Variants in IL1RAPL1 observed in about 807,000 individuals in gnomAD.
IL1RAPL1 encodes interleukin-1 receptor accessory protein-like 1.
IL1RAPL1 carries 3 observed loss-of-function variants against 48.4 expected under a neutral mutation model. The ratio of observed to expected loss-of-function variants is 0.06; its 90% confidence interval spans 0.03 to 0.16. IL1RAPL1 has a LOEUF of 0.16. IL1RAPL1 is among the 10% of genes least tolerant of loss of function. The probability of loss-of-function intolerance (pLI) is 1.00; values close to 1 mark genes in which losing one functional copy is unlikely to be tolerated. For synonymous variants in IL1RAPL1, 185 were observed against 187.7 expected (o/e 0.99, Z 0.12); for missense variants, 349 against 530.6 (o/e 0.66, Z 3.36).
At chrX:29,210,973 A>T (rs1401868472) in intron 2 of IL1RAPL1, among the ~76,000 whole-genome samples, 1 of 111,904 alleles carries the variant, frequency 8.9e-6, no homozygotes, top group East Asian at 2.8e-4. Context: ...TCGTCATTCA[A>T]CTGCTTATAT....
At chrX:28,985,804 C>T (rs189332929) in intron 2 of IL1RAPL1, among the ~76,000 whole-genome samples, 1 of 109,540 alleles carries the variant, frequency 9.1e-6, no homozygotes, top group African/African-American at 3.3e-5. Flanking sequence ...GGACTACAGG[C>T]GCCCGCCACC....
At position 28,652,875 on chromosome X, in the gene IL1RAPL1, T is replaced by C. The variant is rs778657479; in HGVS notation, c.-25+64828T>C. ...CCTAGCTGAATCTGGGGTTTAGTAG[T>C]TCATGGTGGGGGCAGGGGACTATAT... On this transcript the variant is annotated intron_variant, in intron 1 of 10. Coordinates refer to ENST00000378993, the MANE Select transcript of IL1RAPL1 (RefSeq NM_014271.4). Among the ~76,000 whole-genome samples the C allele has an allele frequency of 1.2e-4, 13 of 109,352 alleles. No homozygotes were observed. The South Asian group carries it at 4.5e-3, about 38-fold the overall frequency. 95.0% of individuals were successfully genotyped at this position (109,352 alleles called of 115,157 possible).
rs73631665 is a variant in IL1RAPL1 at position 29,565,948 on chromosome X, G to T, written c.704-102482G>T. Reference sequence around the variant, plus strand: ...GTTTCAATATGTGGGGAAATTTTTTGTTGTTGTTTTTTTTTTTTGAGACGG... The same window carrying T: ...GTTTCAATATGTGGGGAAATTTTTTTTTGTTGTTTTTTTTTTTTGAGACGG... On this transcript the variant is annotated intron_variant, in intron 5 of 10. Coordinates refer to ENST00000378993, the MANE Select transcript of IL1RAPL1 (RefSeq NM_014271.4). Among the ~76,000 whole-genome samples, 820 of 110,480 alleles carry T rather than the reference G, an allele frequency of 7.4e-3. 7 individuals are homozygous for T. The highest frequency in any genetic ancestry group is 0.025 in the African/African-American group (759 of 30,476).
chrX:28,843,835 A>G (rs2147293264), intron 2 of IL1RAPL1, among the ~76,000 whole-genome samples: 1 of 111,354 alleles, frequency 9.0e-6, no homozygotes, highest in African/African-American at 3.3e-5. Flanking sequence ...TATTCAGAGC[A>G]GTGCGTTTGT....
intron 3 of IL1RAPL1, among the ~76,000 whole-genome samples, chrX:29,347,491 C>T (rs1297966035): frequency 1.9e-5 from 2 of 106,730 alleles, no homozygotes; most frequent in Non-Finnish European, 3.9e-5. Context: ...CCAGCTCAAG[C>T]AATCCTCCCA....
chrX:28,699,223 G>C (rs1255229166), intron 1 of IL1RAPL1, among the ~76,000 whole-genome samples: 1 of 112,005 alleles, frequency 8.9e-6, no homozygotes, highest in Admixed American at 9.5e-5. Flanking sequence ...AACCTAACTT[G>C]ATAGTATTCC....
At chrX:29,889,241 A>C (rs1440969114) in intron 6 of IL1RAPL1, among the ~76,000 whole-genome samples, 1 of 111,679 alleles carries the variant, frequency 9.0e-6, no homozygotes, top group Non-Finnish European at 1.9e-5. Context: ...TAAGGTTTAG[A>C]TTCACTGCAG....
chrX:28,746,754 A>G (rs1019737411), intron 1 of IL1RAPL1, among the ~76,000 whole-genome samples: 11 of 111,784 alleles, frequency 9.8e-5, no homozygotes, highest in African/African-American at 3.6e-4. Context: ...TTTATTCACA[A>G]TGATGAATCA....
At chrX:29,831,503 C>T (rs192161958) in intron 6 of IL1RAPL1, among the ~76,000 whole-genome samples, 161 of 111,774 alleles carry the variant, frequency 1.4e-3, no homozygotes, top group African/African-American at 5.0e-3. Flanking sequence ...ATATGAGGAT[C>T]ATGAGAAATG....
At chrX:29,471,809 A>T (rs1302233970) in intron 5 of IL1RAPL1, among the ~76,000 whole-genome samples, 1 of 111,285 alleles carries the variant, frequency 9.0e-6, no homozygotes, top group African/African-American at 3.3e-5. Context: ...CCAATATGTG[A>T]CTTTTTGCGT....
intron 5 of IL1RAPL1, among the ~76,000 whole-genome samples, chrX:29,539,279 C>A (rs889453503): frequency 8.9e-6 from 1 of 111,755 alleles, no homozygotes; most frequent in Non-Finnish European, 1.9e-5. Flanking sequence ...ATAAATGTGA[C>A]TCACTCATAA....
intron 6 of IL1RAPL1, among the ~76,000 whole-genome samples, chrX:29,827,057 G>T (rs1484210735): frequency 8.9e-6 from 1 of 111,997 alleles, no homozygotes; most frequent in African/African-American, 3.3e-5. Flanking sequence ...ATTCTAGTGG[G>T]TATGGAATAG....
chrX:29,894,741 A>T (rs1214946223), intron 6 of IL1RAPL1, among the ~76,000 whole-genome samples: 1 of 111,544 alleles, frequency 9.0e-6, no homozygotes, highest in Non-Finnish European at 1.9e-5. Flanking sequence ...TTGGATCTAC[A>T]AATTAATTTT....
At chrX:29,256,901 T>C (rs149628076) in intron 2 of IL1RAPL1, among the ~76,000 whole-genome samples, 1 of 111,577 alleles carries the variant, frequency 9.0e-6, no homozygotes, top group East Asian at 2.8e-4. Flanking sequence ...AGTGACTTGA[T>C]GTCCACACAT....
chrX:29,803,160 C>T (rs759813921), intron 6 of IL1RAPL1, among the ~76,000 whole-genome samples: 6 of 79,405 alleles, frequency 7.6e-5, no homozygotes, highest in African/African-American at 1.0e-4. Flanking sequence ...TGTATACATG[C>T]ATACACATAT....
At chrX:28,910,358 T>C (rs1338267158) in intron 2 of IL1RAPL1, among the ~76,000 whole-genome samples, 1 of 111,126 alleles carries the variant, frequency 9.0e-6, no homozygotes, top group Non-Finnish European at 1.9e-5. Flanking sequence ...TGTGAAATCT[T>C]AGGATTCTGT....
At chrX:28,813,642 C>T (rs962997999) in intron 2 of IL1RAPL1, among the ~76,000 whole-genome samples, 1 of 110,922 alleles carries the variant, frequency 9.0e-6, no homozygotes, top group African/African-American at 3.3e-5. Context: ...TTTAAGTCTT[C>T]AGCTATAATA....
chrX:29,788,598 C>A (rs867542056), intron 6 of IL1RAPL1, among the ~76,000 whole-genome samples: 29 of 111,351 alleles, frequency 2.6e-4, no homozygotes, highest in African/African-American at 8.5e-4. Context: ...GTGTAATGAC[C>A]AAGTCAGTGT....
intron 5 of IL1RAPL1, among the ~76,000 whole-genome samples, chrX:29,503,085 G>GTTGT (rs1935292027): frequency 9.0e-6 from 1 of 111,617 alleles, no homozygotes; most frequent in Non-Finnish European, 1.9e-5. Context: ...TTGGCATATG[G>GTTGT]TTGTTCATAA....
Sources: allele counts gnomAD v4.1 joint callset (sites outside exome capture counted in the v4.1 genomes callset), GRCh38; gene constraint gnomAD v4.1.1; transcripts MANE v1.5; gene names NCBI Gene and HGNC (gene_info 2026-07-23, HGNC 2026-07-21).